Variants in GRM1 observed in about 807,000 individuals in gnomAD.
The protein encoded by GRM1 is metabotropic glutamate receptor 1.
In GRM1, 33 loss-of-function variants were observed where a neutral mutation model predicts 90.9. That is an observed-to-expected ratio of 0.36 (90% CI 0.28 to 0.49). The LOEUF is 0.49. Among genes scored for constraint, GRM1 ranks in the 20% least tolerant of loss-of-function variants. GRM1 has a pLI of 0.99. For missense variants in GRM1, 1,190 were observed against 1,534.3 expected (o/e 0.78, Z 3.75); for synonymous variants, 700 against 613.2 (o/e 1.14, Z -2.09).
chr6:146,355,433 T>C (rs1015573928), intron 4 of GRM1, among the ~76,000 whole-genome samples: 3 of 152,198 alleles, frequency 2.0e-5, no homozygotes, highest in Non-Finnish European at 2.9e-5. Context: ...AATAATGTGC[T>C]CTGGGTGTAC....
Position 146,357,572 on chromosome 6 carries a change from T to C in GRM1, c.1480T>C (p.Tyr494His). 6.2e-7 allele frequency: 1 copy of C among 1,613,730 alleles called. No homozygotes were observed. Among genetic ancestry groups the C allele is most frequent in the Non-Finnish European group, 8.5e-7 (1 of 1,179,608 alleles). The change falls in exon 5 of 8, where the codon TAT becomes CAT. Residue 494 changes from tyrosine (Y) to histidine (H), a missense_variant. This residue lies in a region of GRM1 where 414 missense variants were observed against 598.4 expected (regional missense o/e 0.69). Transcript: ENST00000282753. ...LQYTEANRYDYVHVGTWHEGV... is the reference protein window; with the variant it reads ...LQYTEANRYDHVHVGTWHEGV... ...GTACACTGAAGCTAATCGCTATGAC[T>C]ATGTGCACGTTGGAACCTGGCATGA...
chr6:146,080,210 A>G (rs1402384006), intron 1 of GRM1, among the ~76,000 whole-genome samples: 1 of 152,194 alleles, frequency 6.6e-6, no homozygotes. Flanking sequence ...TGATATAGCA[A>G]TTAAGTTTAC....
chr6:146,388,828 A>G (rs1005464135), intron 6 of GRM1, among the ~76,000 whole-genome samples: 3 of 152,070 alleles, frequency 2.0e-5, no homozygotes, highest in Non-Finnish European at 4.4e-5. Context: ...CATAATAGCT[A>G]CTTAATACAT....
At chr6:146,409,025 G>A (rs1777461643) in intron 7 of GRM1, among the ~76,000 whole-genome samples, 1 of 152,104 alleles carries the variant, frequency 6.6e-6, no homozygotes, top group African/African-American at 2.4e-5. Context: ...AGAATACTTT[G>A]GCTGCAAGTT....
intron 1 of GRM1, among the ~76,000 whole-genome samples, chr6:146,041,556 G>C (rs1197026326): frequency 3.3e-5 from 5 of 151,960 alleles, no homozygotes; most frequent in Admixed American, 6.6e-5. Context: ...GGGTCTCCAA[G>C]AGAATTTCTC....
At chr6:146,140,142 C>CTTTCTTTCTTTCT (rs1562488256) in intron 1 of GRM1, among the ~76,000 whole-genome samples, 6 of 29,080 alleles carry the variant, frequency 2.1e-4, no homozygotes, top group Non-Finnish European at 3.7e-4. Context: ...TCTTTCTTTC[C>CTTTCTTTCTTTCT]TTCCTTCCTT....
intron 2 of GRM1, among the ~76,000 whole-genome samples, chr6:146,164,658 G>A (rs1394613029): frequency 6.6e-6 from 1 of 152,104 alleles, no homozygotes; most frequent in African/African-American, 2.4e-5. Flanking sequence ...CTTGCCTGGT[G>A]AGTCATCACT....
chr6:146,376,486 G>C (rs923030229), intron 5 of GRM1, among the ~76,000 whole-genome samples: 3 of 151,996 alleles, frequency 2.0e-5, no homozygotes, highest in African/African-American at 7.2e-5. Flanking sequence ...CTCAGCTTTT[G>C]TCTGGGAGTC....
At chr6:146,185,782 T>C (rs891030253) in intron 2 of GRM1, among the ~76,000 whole-genome samples, 5 of 152,154 alleles carry the variant, frequency 3.3e-5, no homozygotes, top group Admixed American at 3.3e-4. Context: ...CTATATTCTG[T>C]AATTTTCTTA....
intron 2 of GRM1, among the ~76,000 whole-genome samples, chr6:146,259,634 C>T (rs1378584139): frequency 6.6e-6 from 1 of 152,048 alleles, no homozygotes; most frequent in Non-Finnish European, 1.5e-5. Context: ...GGTAGAGTTT[C>T]TTCTTTTTAA....
In GRM1 at chr6:146,070,598, A is replaced by G. The variant is rs536721442; in HGVS notation, c.700+40381A>G. On this transcript the variant is annotated intron_variant, in intron 1 of 7. Coordinates refer to ENST00000282753, the MANE Select transcript of GRM1 (RefSeq NM_001278064.2). Reference sequence around the variant, plus strand: ...GGAACCTGAGGTTTATAGAGCAGCAAATTTTCCTACTATACCAGGTAGATT... The same window carrying G: ...GGAACCTGAGGTTTATAGAGCAGCAGATTTTCCTACTATACCAGGTAGATT... 4.9e-4 allele frequency among the ~76,000 whole-genome samples: 74 copies of G among 152,252 alleles called. 1 individual carries two copies. The highest frequency in any genetic ancestry group is 3.6e-3 in the Admixed American group (55 of 15,278).
intron 2 of GRM1, among the ~76,000 whole-genome samples, chr6:146,238,607 G>C (rs1437233595): frequency 6.6e-6 from 1 of 152,146 alleles, no homozygotes; most frequent in African/African-American, 2.4e-5. Flanking sequence ...GACTTTCTCT[G>C]TAAGTTAGAG....
At chr6:146,257,516 G>GTATA (rs58614139) in intron 2 of GRM1, among the ~76,000 whole-genome samples, 27 of 149,528 alleles carry the variant, frequency 1.8e-4, no homozygotes, top group African/African-American at 6.6e-4. Context: ...TAATATGTGT[G>GTATA]TATATATATA....
At chr6:146,262,129 G>A (rs576012113) in intron 2 of GRM1, among the ~76,000 whole-genome samples, 15 of 150,908 alleles carry the variant, frequency 9.9e-5, no homozygotes, top group Admixed American at 7.9e-4. Flanking sequence ...ATAAACCCGA[G>A]CTAGCTTCAG....
chr6:146,159,107 A>G (rs1777619725), intron 1 of GRM1, among the ~76,000 whole-genome samples: 1 of 152,208 alleles, frequency 6.6e-6, no homozygotes, highest in African/African-American at 2.4e-5. Context: ...TTTATAAAAC[A>G]TGTCTCATTA....
chr6:146,413,720 T>A (rs1482506667), intron 7 of GRM1, among the ~76,000 whole-genome samples: 1 of 152,196 alleles, frequency 6.6e-6, no homozygotes, highest in Non-Finnish European at 1.5e-5. Flanking sequence ...TGTCCCTTTT[T>A]AAACTATCCT....
chr6:146,129,023 C>T (rs556565357), intron 1 of GRM1, among the ~76,000 whole-genome samples: 73 of 152,112 alleles, frequency 4.8e-4, no homozygotes, highest in Non-Finnish European at 9.4e-4. Context: ...ATAATGATTT[C>T]GGTCACTTTT....
intron 2 of GRM1, among the ~76,000 whole-genome samples, chr6:146,298,313 C>T (rs1359365677): frequency 6.6e-6 from 1 of 152,086 alleles, no homozygotes. Context: ...CTCTTGCTTC[C>T]AGTCACCTGT....
intron 2 of GRM1, among the ~76,000 whole-genome samples, chr6:146,173,456 A>C (rs1433551280): frequency 6.6e-6 from 1 of 151,660 alleles, no homozygotes; most frequent in Non-Finnish European, 1.5e-5. Flanking sequence ...GAAAAGAAAA[A>C]AAGAAACTCT....
Sources: gnomAD v4.1 joint callset for allele counts (sites outside exome capture counted in the v4.1 genomes callset) on GRCh38, gnomAD v4.1.1 for gene constraint, gnomAD v4.1.1 regional missense constraint, MANE v1.5 for transcripts, NCBI Gene and HGNC (gene_info 2026-07-23, HGNC 2026-07-21) for gene names.